MPRIP: variants seen among roughly 807,000 people sequenced by gnomAD.
MPRIP encodes the protein myosin phosphatase Rho-interacting protein.
Under a neutral mutation model 234.9 loss-of-function variants are expected in MPRIP, and 59 were observed. That is an observed-to-expected ratio of 0.25 (90% confidence interval 0.20 to 0.31). The LOEUF (loss-of-function observed/expected upper bound fraction) is 0.31, where lower values mean the gene tolerates loss of function less well. MPRIP is among the 10% of genes least tolerant of loss of function. The pLI is 1.00. For synonymous variants in MPRIP, 1,144 were observed against 1,263.9 expected (o/e 0.91, Z 2.01); for missense variants, 2,436 against 3,071.0 (o/e 0.79, Z 4.89).
At chr17:17,157,470 C>T (rs1341470738) in intron 13 of MPRIP, among the ~76,000 whole-genome samples, 1 of 152,216 alleles carries the variant, frequency 6.6e-6, no homozygotes, top group Non-Finnish European at 1.5e-5. Context: ...TCCTGTTTCC[C>T]TCACCCTTAG....
Position 17,164,305 on chromosome 17 carries a change from G to A in MPRIP, c.2714G>A (p.Arg905Gln), listed in dbSNP as rs2045934198. Residue 905 changes from arginine to glutamine, a missense_variant, in exon 16 of 24, where the codon CGG (arginine) becomes CAG (glutamine). Physicochemically the swap from Arg to Gln is conservative, Grantham distance 43. This residue lies in a region of MPRIP where 1,998 missense variants were observed against 2,520.3 expected (regional missense o/e 0.79). Coordinates refer to ENST00000651222, the MANE Select transcript of MPRIP (RefSeq NM_001364716.4). ...GCTGAGATCCGGAGCCTTCAGGCAC[G>A]GCTCAGCAATGCGGCCGCTGAGCTA... ...HEAEIRSLQA[R>Q]LSNAAAELAI... 23 of 1,303,932 alleles carry A rather than the reference G, an allele frequency of 1.8e-5. No individual in the cohort carries two copies. The highest frequency in any genetic ancestry group is 2.1e-4 in the Middle Eastern group (1 of 4,714). 80.8% of individuals were successfully genotyped at this position (1,303,932 alleles called of 1,614,324 possible).
chr17:17,055,466 G>T (rs2088664843), intron 1 of MPRIP, among the ~76,000 whole-genome samples: 1 of 152,132 alleles, frequency 6.6e-6, no homozygotes, highest in African/African-American at 2.4e-5. Context: ...CACCAGTGTT[G>T]AGTGGGTCCC....
intron 1 of MPRIP, among the ~76,000 whole-genome samples, chr17:17,064,065 A>G (rs1369828801): frequency 1.3e-5 from 2 of 152,210 alleles, no homozygotes; most frequent in Non-Finnish European, 2.9e-5. Context: ...TGGAGAGGCC[A>G]GCAGAGCATA....
chr17:17,105,537 A>G (rs895978470), intron 3 of MPRIP, among the ~76,000 whole-genome samples: 1 of 152,220 alleles, frequency 6.6e-6, no homozygotes, highest in Non-Finnish European at 1.5e-5. Context: ...GAGACCAGTC[A>G]AGACAGGAAA....
chr17:17,131,045 T>C (rs1701325997), intron 4 of MPRIP, among the ~76,000 whole-genome samples: 1 of 152,138 alleles, frequency 6.6e-6, no homozygotes, highest in African/African-American at 2.4e-5. Context: ...CTGGTGTCTA[T>C]CCAGAGTGAA....
intron 9 of MPRIP, among the ~76,000 whole-genome samples, chr17:17,145,201 G>A (rs1038113335): frequency 6.6e-6 from 1 of 152,234 alleles, no homozygotes; most frequent in Non-Finnish European, 1.5e-5. Flanking sequence ...TCTGAGCAGA[G>A]GCTCCCAGAG....
At chr17:17,057,460 T>C (rs1455900215) in intron 1 of MPRIP, among the ~76,000 whole-genome samples, 1 of 152,150 alleles carries the variant, frequency 6.6e-6, no homozygotes, top group Non-Finnish European at 1.5e-5. Flanking sequence ...AGCTGAAGGC[T>C]GGAGACCCCA....
At chr17:17,093,713 C>G (rs2089773970) in intron 3 of MPRIP, among the ~76,000 whole-genome samples, 1 of 152,196 alleles carries the variant, frequency 6.6e-6, no homozygotes, top group African/African-American at 2.4e-5. Context: ...GTTTTCTGCT[C>G]CATTTCTTCT....
chr17:17,094,053 C>T, intron 3 of MPRIP, among the ~76,000 whole-genome samples: 1 of 152,194 alleles, frequency 6.6e-6, no homozygotes, highest in East Asian at 1.9e-4. Context: ...TGGGAAGCCT[C>T]TCTCTCTTTC....
Position 17,158,588 on chromosome 17 carries a change from C to A in MPRIP, c.1986C>A (p.Asp662Glu). Residue 662 changes from aspartate to glutamate, a missense_variant, in exon 14 of 24, where the codon GAC (aspartate) becomes GAA (glutamate). By Grantham distance (45) the Asp-to-Glu change is conservative (BLOSUM62 2). Around this residue, in one of 4 missense-constraint regions of MPRIP, gnomAD observed 1,998 missense variants for 2,520.3 expected, o/e 0.79. Transcript: ENST00000651222. ...GAGAGGGCCGCTCCAAGACCTTTGA[C>A]TGGGCTGAGTTCCGTCCCATCCAGC... Reference protein sequence around the residue: ...RRREGRSKTFDWAEFRPIQQA... With the variant: ...RRREGRSKTFEWAEFRPIQQA... 1 of 1,609,156 alleles carries A rather than the reference C, an allele frequency of 6.2e-7. No homozygotes were observed.
intron 3 of MPRIP, among the ~76,000 whole-genome samples, chr17:17,096,186 C>A (rs2089834487): frequency 6.6e-6 from 1 of 152,090 alleles, no homozygotes; most frequent in Non-Finnish European, 1.5e-5. Context: ...TGTTTCCATG[C>A]CACTGTTCCC....
intron 21 of MPRIP, among the ~76,000 whole-genome samples, chr17:17,176,958 C>T (rs1309416502): frequency 6.6e-6 from 1 of 152,198 alleles, no homozygotes; most frequent in Non-Finnish European, 1.5e-5. Context: ...AAGGGAGGGG[C>T]CTGGGCACTC....
At chr17:17,161,826 A>T (rs916355926) in intron 15 of MPRIP, among the ~76,000 whole-genome samples, 2 of 152,164 alleles carry the variant, frequency 1.3e-5, no homozygotes, top group African/African-American at 4.8e-5. Flanking sequence ...CCCCATTCCC[A>T]TCTGTTTCTA....
chr17:17,105,588 T>G (rs887621137), intron 3 of MPRIP, among the ~76,000 whole-genome samples: 1 of 152,158 alleles, frequency 6.6e-6, no homozygotes, highest in Admixed American at 6.5e-5. Context: ...GGCCACTGAG[T>G]CAGGCCACTG....
intron 19 of MPRIP, among the ~76,000 whole-genome samples, chr17:17,174,785 C>T (rs367691647): frequency 6.2e-5 from 9 of 145,028 alleles, no homozygotes; most frequent in East Asian, 4.0e-4. Context: ...GGTGACAGAG[C>T]GAGACTCCGT....
Position 17,120,110 on chromosome 17 carries a change from AG to A in MPRIP, c.268-6589del, listed in dbSNP as rs553307506. 7.9e-5 allele frequency among the ~76,000 whole-genome samples: 12 copies of A among 152,278 alleles called. No individual in the cohort carries two copies. In the South Asian group the frequency reaches 2.5e-3, roughly 32 times the overall value. ...GTCTGAATGAGGGATTGGGGGATAA[AG>A]GGAAGACTCCCACCCAGGTCTCACG... On this transcript the variant is annotated intron_variant, in intron 3 of 23. Coordinates refer to ENST00000651222, the MANE Select transcript of MPRIP (RefSeq NM_001364716.4).
chr17:17,079,828 G>C (rs540955022), intron 3 of MPRIP, among the ~76,000 whole-genome samples: 22 of 152,374 alleles, frequency 1.4e-4, no homozygotes, highest in African/African-American at 5.3e-4. Flanking sequence ...GGACGCCTTG[G>C]TGCTGGCACA....
In MPRIP at chr17:17,164,970, G is replaced by T. The variant is rs759051299; in HGVS notation, c.3379G>T (p.Asp1127Tyr). 13 of 1,303,096 alleles carry T rather than the reference G, an allele frequency of 1.0e-5. No individual in the cohort carries two copies. The East Asian group carries it at 6.7e-4, about 67-fold the overall frequency. 80.7% of individuals were successfully genotyped at this position (1,303,096 alleles called of 1,614,324 possible). A position where few individuals can be genotyped will look rare whatever the true frequency, so the allele number is the denominator to read the frequency against. ...AGAGCGCGTGGCCACGTCCGACGAG[G>T]ATGTGGCTGAGCTCCGGGAAAAGCT... ...LTERVATSDE[D>Y]VAELREKLRR... Residue 1127 changes from aspartate to tyrosine, a missense_variant, in exon 16 of 24, where the codon GAT (aspartate) becomes TAT (tyrosine). By Grantham distance (160) the Asp-to-Tyr change is radical. Transcript: ENST00000651222.
At chr17:17,163,707 C>T (rs73979094) in intron 15 of MPRIP, among the ~76,000 whole-genome samples, 71 of 152,260 alleles carry the variant, frequency 4.7e-4, no homozygotes, top group African/African-American at 1.7e-3. Context: ...GTTGTCAAGA[C>T]TGCGTACTTT....
Sources: gnomAD v4.1 joint callset for allele counts (sites outside exome capture counted in the v4.1 genomes callset) on GRCh38, gnomAD v4.1.1 for gene constraint, gnomAD v4.1.1 regional missense constraint, MANE v1.5 for transcripts, NCBI Gene and HGNC (gene_info 2026-07-23, HGNC 2026-07-21) for gene names.